ICA1: variants seen among roughly 807,000 people sequenced by gnomAD.
The protein encoded by ICA1 is islet cell autoantigen 1, also known as 69 kDa islet cell autoantigen.
Under a neutral mutation model 71.0 loss-of-function variants are expected in ICA1, and 40 were observed. The observed-to-expected ratio is 0.56, with a 90% CI of 0.44 to 0.73. The LOEUF (loss-of-function observed/expected upper bound fraction) is 0.73. Among genes scored for constraint, ICA1 ranks in the 30% least tolerant of loss-of-function variants. The pLI is 0.00. For synonymous variants in ICA1, 207 were observed against 209.5 expected, an observed-to-expected ratio of 0.99 and a Z score of 0.10; for missense variants, 578 against 576.5, an observed-to-expected ratio of 1.00 and a Z score of -0.03.
intron 6 of ICA1, among the ~76,000 whole-genome samples, chr7:8,189,875 T>C (rs1369902932): frequency 6.6e-6 from 1 of 152,160 alleles, no homozygotes; most frequent in Non-Finnish European, 1.5e-5. Context: ...TGTTTGTAAG[T>C]TGGGAACTGT....
chr7:8,152,885 CACCACTACCACCATT>C (rs1799998499), intron 8 of ICA1, among the ~76,000 whole-genome samples: 2 of 17,854 alleles, frequency 1.1e-4, no homozygotes, highest in African/African-American at 2.3e-4. Flanking sequence ...TCACCTCCAC[CACCACTACCACCATT>C]ATCTCCTTCA....
chr7:8,133,799 A>G (rs902541709), intron 12 of ICA1, among the ~76,000 whole-genome samples: 1 of 152,036 alleles, frequency 6.6e-6, no homozygotes, highest in Non-Finnish European at 1.5e-5. Context: ...CCATTGCTCA[A>G]ACATATTCTG....
At chr7:8,127,786 G>C in intron 13 of ICA1, 87 bp downstream of exon 13, 1 of 1,383,576 alleles carries the variant, frequency 7.2e-7, no homozygotes, top group Non-Finnish European at 9.8e-7. Flanking sequence ...CATTAAAAAA[G>C]ACAAAGAAGG....
At chr7:8,141,010 T>A (rs555165972) in intron 10 of ICA1, among the ~76,000 whole-genome samples, 1 of 152,104 alleles carries the variant, frequency 6.6e-6, no homozygotes, top group Non-Finnish European at 1.5e-5. Flanking sequence ...TTGGGGTAAT[T>A]TTAGTTCTCT....
Position 8,226,442 on chromosome 7 carries a change from T to G in ICA1, c.256+2159A>C, listed in dbSNP as rs1798630328. On this transcript the variant is annotated intron_variant, in intron 4 of 13. Transcript: ENST00000402384. The surrounding 1 kb of genome is among the most constrained non-coding windows in gnomAD (Gnocchi z 4.4). Reference sequence around the variant, plus strand: ...TACCTTTTTTTACATTTATATTTTATATCACCTTCTTGCTTGCATGAAGGA... The same window carrying G: ...TACCTTTTTTTACATTTATATTTTAGATCACCTTCTTGCTTGCATGAAGGA... Among the ~76,000 whole-genome samples the G allele has an allele frequency of 6.6e-6, 1 of 152,218 alleles. No individual in the cohort carries two copies. The highest frequency in any genetic ancestry group is 2.4e-5 in the African/African-American group (1 of 41,464).
rs191731719 is a variant in ICA1 at position 8,126,302 on chromosome 7, G to C, written c.1330+1571C>G. 1.8e-3 allele frequency among the ~76,000 whole-genome samples: 268 copies of C among 152,248 alleles called. 2 individuals carry two copies. Among genetic ancestry groups the C allele is most frequent in the African/African-American group, 6.1e-3 (254 of 41,552 alleles). On this transcript the variant is annotated intron_variant, in intron 13 of 13. Transcript: ENST00000402384. ...TCTGGGCTCTGCCTCGACTCTCTCA[G>C]GGCTTCTTAGCACCTCCACCACAGG...
chr7:8,178,590 T>TTTA lies in ICA1; in HGVS notation c.580-19939_580-19938insTAA, dbSNP rs1554315265. The stretch of plus-strand genomic sequence containing the variant: ...TGGTGTGGTCTTTTTTTTTTTTTTT[T>TTTA]AAAAAAGAAGACATTGCTGCAGTAA... On this transcript the variant is annotated intron_variant, in intron 6 of 13. Transcript: ENST00000402384. Among the ~76,000 whole-genome samples the TTTA allele has an allele frequency of 6.8e-3, 1,014 of 148,428 alleles. 13 individuals carry two copies. Among genetic ancestry groups the TTTA allele is most frequent in the Middle Eastern group, 0.052 (15 of 288 alleles).
intron 6 of ICA1, among the ~76,000 whole-genome samples, chr7:8,202,759 A>G (rs1361173913): frequency 1.3e-5 from 2 of 152,262 alleles, no homozygotes; most frequent in Admixed American, 1.3e-4. Context: ...TAGCTGTAAC[A>G]AACTGCAGAG....
At chr7:8,120,406 G>A (rs184586962) in intron 13 of ICA1, among the ~76,000 whole-genome samples, 1 of 152,330 alleles carries the variant, frequency 6.6e-6, no homozygotes, top group Non-Finnish European at 1.5e-5. Flanking sequence ...TGCAATGAGG[G>A]TAATTATGGA....
At chr7:8,124,285 T>C (rs1788233707) in intron 13 of ICA1, among the ~76,000 whole-genome samples, 1 of 151,276 alleles carries the variant, frequency 6.6e-6, no homozygotes, top group South Asian at 2.1e-4. Context: ...CATGCCCAGC[T>C]AATTTTTGTA....
intron 8 of ICA1, among the ~76,000 whole-genome samples, chr7:8,154,881 G>A (rs1417450136): frequency 6.6e-6 from 1 of 152,114 alleles, no homozygotes; most frequent in African/African-American, 2.4e-5. Context: ...CGATCTAATA[G>A]TGAGTTGTAT....
intron 6 of ICA1, among the ~76,000 whole-genome samples, chr7:8,209,350 G>T (rs564778039): frequency 1.4e-3 from 216 of 152,186 alleles, no homozygotes; most frequent in African/African-American, 4.9e-3. Flanking sequence ...AAAACTGTAT[G>T]GATAGTTCCT....
At chr7:8,153,496 C>CT (rs150967690) in intron 8 of ICA1, among the ~76,000 whole-genome samples, 8 of 151,494 alleles carry the variant, frequency 5.3e-5, no homozygotes, top group South Asian at 2.1e-4. Flanking sequence ...CTTATGAGGT[C>CT]TTTTTTTTTC....
chr7:8,147,116 T>C (rs1425044542), intron 8 of ICA1, among the ~76,000 whole-genome samples: 2 of 152,082 alleles, frequency 1.3e-5, no homozygotes, highest in Non-Finnish European at 2.9e-5. Context: ...GCATGTCTGC[T>C]CTCAGCCGGC....
At chr7:8,122,088 C>G (rs1332402602) in intron 13 of ICA1, among the ~76,000 whole-genome samples, 1 of 152,098 alleles carries the variant, frequency 6.6e-6, no homozygotes, top group African/African-American at 2.4e-5. Flanking sequence ...TTAGCCAGGT[C>G]AGACAAGCAG....
intron 13 of ICA1, among the ~76,000 whole-genome samples, chr7:8,121,578 T>A (rs190142802): frequency 8.8e-4 from 134 of 152,230 alleles, no homozygotes; most frequent in African/African-American, 3.1e-3. Flanking sequence ...AAATAGAAAG[T>A]AGAATGATGG....
Position 8,128,078 on chromosome 7 carries a change from C to G in ICA1, c.1125G>C (p.Leu375=), listed in dbSNP as rs771620177. ...PEGADKDDLL[L]LSEIFNASSL... The stretch of plus-strand genomic sequence containing the variant: ...AGGAAGCATTGAAGATCTCACTCAA[C>G]AGCAGCAGGTCATCTTTGTCAGCAC... The change falls in exon 13 of 14, where the codon CTG becomes CTC. Residue 375 remains leucine (L), a synonymous_variant. Coordinates refer to ENST00000402384, the MANE Select transcript of ICA1 (RefSeq NM_001136020.3). 1 of 1,614,210 alleles carries G rather than the reference C, an allele frequency of 6.2e-7. No homozygotes were observed. Among genetic ancestry groups the G allele is most frequent in the South Asian group, 1.1e-5 (1 of 91,090 alleles).
chr7:8,140,640 CAGCGCCATG>C (rs1285533718), intron 10 of ICA1, among the ~76,000 whole-genome samples: 1 of 152,236 alleles, frequency 6.6e-6, no homozygotes, highest in African/African-American at 2.4e-5. Flanking sequence ...GCCCAGAGCC[CAGCGCCATG>C]CCTGGCACAG....
intron 1 of ICA1, among the ~76,000 whole-genome samples, chr7:8,250,145 A>T (rs1385674755): frequency 6.6e-6 from 1 of 152,184 alleles, no homozygotes; most frequent in African/African-American, 2.4e-5. Flanking sequence ...ATGTCTGTGC[A>T]TTTCTTTTGG....
Sources: allele counts gnomAD v4.1 joint callset (sites outside exome capture counted in the v4.1 genomes callset), GRCh38; gene constraint gnomAD v4.1.1; non-coding constraint Gnocchi (gnomAD v3.1); transcripts MANE v1.5; gene names NCBI Gene and HGNC (gene_info 2026-07-23, HGNC 2026-07-21).